TECPR2: variants seen among roughly 807,000 people sequenced by gnomAD.
The protein encoded by TECPR2 is tectonin beta-propeller repeat containing 2, also known as tectonin beta-propeller repeat-containing protein 2.
In TECPR2, 65 loss-of-function variants were observed where a neutral mutation model predicts 138.1. The observed-to-expected ratio is 0.47, with a 90% CI of 0.39 to 0.58. The LOEUF (loss-of-function observed/expected upper bound fraction) is 0.58, where lower values mean the gene tolerates loss of function less well. Among genes scored for constraint, TECPR2 ranks in the 20% least tolerant of loss-of-function variants. The pLI, the probability that TECPR2 is intolerant of heterozygous loss-of-function variation, is 0.00. For missense variants in TECPR2, 1,553 were observed against 1,824.5 expected, an observed-to-expected ratio of 0.85 and a Z score of 2.71; for synonymous variants, 746 against 749.8, an observed-to-expected ratio of 0.99 and a Z score of 0.08.
At chr14:102,373,572 C>T (rs563218921) in intron 1 of TECPR2, among the ~76,000 whole-genome samples, 5 of 152,234 alleles carry the variant, frequency 3.3e-5, no homozygotes, top group African/African-American at 7.2e-5. Context: ...CAGCTTATGA[C>T]GGTTTTATTG....
In TECPR2 at chr14:102,362,991, G is replaced by C; in HGVS notation, c.-198G>C. The C allele has an allele frequency of 8.5e-7, 1 of 1,172,528 alleles. No homozygotes were observed. Among genetic ancestry groups the C allele is most frequent in the Non-Finnish European group, 1.2e-6 (1 of 818,794 alleles). The allele number at this position is 1,172,528 out of a possible 1,614,324, so 72.6% of individuals were successfully genotyped here. On this transcript the variant is annotated 5_prime_UTR_variant, in exon 1 of 20. Transcript: ENST00000359520. The stretch of plus-strand genomic sequence containing the variant: ...CCGGCGGAGCCAGCTGCTGCTCTTC[G>C]GTGCTGGCCCCGGTGCCGGCCCCGT...
rs565136080 is a variant in TECPR2, at chr14:102,498,871, A to G, written c.*614A>G. 1 of 660,680 alleles carries G rather than the reference A, an allele frequency of 1.5e-6. No homozygotes were observed. The highest frequency in any genetic ancestry group is 2.9e-5 in the East Asian group (1 of 34,012). The allele number at this position is 660,680 out of a possible 1,614,324, so 40.9% of individuals were successfully genotyped here. ...CACGCACATGCACACCACAACACAC[A>G]ACACACCTCACCTCACACCACAGCA... On this transcript the variant is annotated 3_prime_UTR_variant, in exon 20 of 20. Transcript: ENST00000359520.
chr14:102,380,827 C>T (rs1409941508), intron 2 of TECPR2, among the ~76,000 whole-genome samples: 7 of 152,064 alleles, frequency 4.6e-5, no homozygotes, highest in South Asian at 2.1e-4. Context: ...TACAGGTGCC[C>T]GCCACCACAC....
In TECPR2 at chr14:102,450,549, A is replaced by C. The variant is rs188712583; in HGVS notation, c.3317-11A>C. ...TTTCTTTAACACATTCTTCCTATTT[A>C]CTCTTTCCAGGCACCTACTGGAATC... On this transcript the variant is annotated splice_polypyrimidine_tract_variant and intron_variant, in intron 14 of 19. Transcript: ENST00000359520. 6.2e-7 allele frequency: 1 copy of C among 1,613,084 alleles called. No homozygotes were observed. The highest frequency in any genetic ancestry group is 1.3e-5 in the African/African-American group (1 of 74,858).
intron 17 of TECPR2, among the ~76,000 whole-genome samples, chr14:102,484,714 A>G (rs1396674441): frequency 1.3e-5 from 2 of 152,136 alleles, no homozygotes; most frequent in Admixed American, 1.3e-4. Context: ...GCTGGAGTGC[A>G]GTGGCCCGAT....
chr14:102,471,083 C>T (rs556288040), intron 17 of TECPR2, among the ~76,000 whole-genome samples: 1 of 152,110 alleles, frequency 6.6e-6, no homozygotes, highest in Admixed American at 6.5e-5. Context: ...TCCCAAAGTG[C>T]TGGGATTACA....
Position 102,434,499 on chromosome 14 carries a change from C to T in TECPR2, c.1682C>T (p.Ala561Val). 1 of 1,562,898 alleles carries T rather than the reference C, an allele frequency of 6.4e-7. No homozygotes were observed. The highest frequency in any genetic ancestry group is 8.7e-7 in the Non-Finnish European group (1 of 1,154,718). ...TCAGGATCAATGCCTGATTCTCTGG[C>T]TGAGGAAGATGACATTAGAACTGAA... ...EVSGSMPDSLAEEDDIRTEMP... is the reference protein window; with the variant it reads ...EVSGSMPDSLVEEDDIRTEMP... Residue 561 changes from alanine to valine, a missense_variant, in exon 9 of 20, where the codon GCT (alanine) becomes GTT (valine). By Grantham distance (64) the Ala-to-Val change is moderately conservative. Transcript: ENST00000359520.
At chr14:102,487,576 C>G (rs913705803) in intron 17 of TECPR2, among the ~76,000 whole-genome samples, 1 of 152,154 alleles carries the variant, frequency 6.6e-6, no homozygotes, top group African/African-American at 2.4e-5. Context: ...GAGTCTCGCT[C>G]TCTCCCCCAA....
At chr14:102,489,335 C>A (rs953780247) in intron 17 of TECPR2, among the ~76,000 whole-genome samples, 2 of 151,704 alleles carry the variant, frequency 1.3e-5, no homozygotes, top group Non-Finnish European at 1.5e-5. Flanking sequence ...AAATGGAATC[C>A]TGGCTGGGCG....
At chr14:102,394,495 G>A (rs1192599757) in intron 2 of TECPR2, among the ~76,000 whole-genome samples, 2 of 152,118 alleles carry the variant, frequency 1.3e-5, no homozygotes, top group Non-Finnish European at 2.9e-5. Flanking sequence ...CCAGCTACTT[G>A]TAGGGGCTGA....
intron 11 of TECPR2, among the ~76,000 whole-genome samples, chr14:102,442,256 C>T (rs1426217697): frequency 2.6e-5 from 4 of 152,210 alleles, no homozygotes; most frequent in Non-Finnish European, 2.9e-5. Context: ...GCATTATAGG[C>T]GTGAGCCACC....
rs1888687639 is a variant in TECPR2 at position 102,407,388 on chromosome 14, C to T, written c.270C>T (p.Asp90=). 1 of 1,613,622 alleles carries T rather than the reference C, an allele frequency of 6.2e-7. No homozygotes were observed. Among genetic ancestry groups the T allele is most frequent in the African/African-American group, 1.3e-5 (1 of 75,032 alleles). ...TVVKLLSCFD[D]LVAAGTASGR... is the part of the protein sequence containing the mutation. ...TGAAGCTGCTGAGCTGCTTTGATGA[C>T]CTGGTGGCAGCAGGCACAGCCTCTG... is the stretch of plus-strand genomic sequence containing the variant. Residue 90 remains aspartate (D), a synonymous_variant, in exon 3 of 20, where the codon GAC becomes GAT. Coordinates refer to ENST00000359520, the MANE Select transcript of TECPR2 (RefSeq NM_014844.5).
At chr14:102,482,643 G>A (rs983460394) in intron 17 of TECPR2, among the ~76,000 whole-genome samples, 3 of 152,052 alleles carry the variant, frequency 2.0e-5, no homozygotes, top group South Asian at 2.1e-4. Context: ...TCTTCCAGTC[G>A]GTTCCCAAGG....
In TECPR2 at chr14:102,434,297, G is replaced by A; in HGVS notation, c.1480G>A (p.Gly494Arg). The A allele has an allele frequency of 7.1e-7, 1 of 1,403,980 alleles. No homozygotes were observed. The highest frequency in any genetic ancestry group is 9.3e-7 in the Non-Finnish European group (1 of 1,073,288). 87.0% of individuals were successfully genotyped at this position (1,403,980 alleles called of 1,614,324 possible). A position where few individuals can be genotyped will look rare whatever the true frequency, so the allele number is the denominator to read the frequency against. ...ATCGACACCCTGCTCCGAATTTCCT[G>A]GGGACAGTCCCCAGTCCTTGAACAC... ...LESTPCSEFP[G>R]DSPQSLNTDL... Residue 494 changes from glycine to arginine, a missense_variant, in exon 9 of 20, where the codon GGG becomes AGG. Transcript: ENST00000359520.
intron 7 of TECPR2, among the ~76,000 whole-genome samples, chr14:102,430,584 G>A (rs182191827): frequency 3.9e-5 from 6 of 152,346 alleles, no homozygotes; most frequent in South Asian, 2.1e-4. Flanking sequence ...AGAGGATGGC[G>A]AATGGATCAA....
At chr14:102,482,060 T>C (rs1890904888) in intron 17 of TECPR2, among the ~76,000 whole-genome samples, 1 of 152,128 alleles carries the variant, frequency 6.6e-6, no homozygotes. Flanking sequence ...TTTTTTCTTT[T>C]TTTTTTTGAG....
In TECPR2 at chr14:102,440,624, C is replaced by T. The variant is rs377550839; in HGVS notation, c.2752+15C>T. On this transcript the variant is annotated intron_variant, in intron 11 of 19. Transcript: ENST00000359520. ...CTTGCAGACAGGTAACCGCGGGCCACGCTTAGAGGCCTGCCAGCTCTGCCG... is the reference window on the plus strand; with the variant it reads ...CTTGCAGACAGGTAACCGCGGGCCATGCTTAGAGGCCTGCCAGCTCTGCCG... The T allele has an allele frequency of 8.1e-6, 13 of 1,606,418 alleles. No homozygotes were observed. Among genetic ancestry groups the T allele is most frequent in the Middle Eastern group, 1.7e-4 (1 of 6,016 alleles).
At chr14:102,469,483 T>C (rs1428979503) in intron 17 of TECPR2, among the ~76,000 whole-genome samples, 1 of 152,200 alleles carries the variant, frequency 6.6e-6, no homozygotes, top group Non-Finnish European at 1.5e-5. Context: ...TTTCTATAGA[T>C]GAGATCATGG....
chr14:102,497,740 G>A (rs922406416), intron 19 of TECPR2, 21 bp downstream of exon 19: 2 of 1,586,116 alleles, frequency 1.3e-6, no homozygotes, highest in African/African-American at 2.7e-5. Flanking sequence ...GGGGCCAGTG[G>A]GCTTAAGGCC....
Sources: gnomAD v4.1 joint callset for allele counts (sites outside exome capture counted in the v4.1 genomes callset) on GRCh38, gnomAD v4.1.1 for gene constraint, MANE v1.5 for transcripts, NCBI Gene and HGNC (gene_info 2026-07-23, HGNC 2026-07-21) for gene names.